Variants in INPP5D observed in about 807,000 individuals in gnomAD.
INPP5D encodes inositol polyphosphate-5-phosphatase D.
Under a neutral mutation model 122.9 loss-of-function variants are expected in INPP5D, and 33 were observed. The ratio of observed to expected loss-of-function variants is 0.27; its 90% CI spans 0.20 to 0.36. The LOEUF is 0.36. INPP5D is among the 10% of genes least tolerant of loss of function. The pLI is 1.00. For synonymous variants in INPP5D, 584 were observed against 576.2 expected (o/e 1.01, Z -0.19); for missense variants, 1,053 against 1,412.7 (o/e 0.75, Z 4.08).
At chr2:233,155,793 GA>G (rs1383790082) in intron 9 of INPP5D, among the ~76,000 whole-genome samples, 9 of 152,170 alleles carry the variant, frequency 5.9e-5, no homozygotes, top group African/African-American at 2.2e-4. Context: ...CCTCCATGTT[GA>G]AAATGGCCAA....
Position 233,204,956 on chromosome 2 carries a change from T to C in INPP5D, c.3567+239T>C, listed in dbSNP as rs928970695. The C allele has an allele frequency of 5.3e-6, 3 of 564,300 alleles. No individual in the cohort carries two copies. In the African/African-American group the frequency reaches 5.9e-5, roughly 11 times the overall value. The allele number at this position is 564,300 out of a possible 1,614,324, so 35.0% of individuals were successfully genotyped here. ...TGTCCCACACATCCCTGACCCTGCA[T>C]TGCCTCTGCAGCAGTTGTTAAAAGG... On this transcript the variant is annotated intron_variant, in intron 26 of 26. Coordinates refer to ENST00000445964, the MANE Select transcript of INPP5D (RefSeq NM_001017915.3).
At position 233,177,374 on chromosome 2, in the gene INPP5D, A is replaced by C. The variant is rs767184148; in HGVS notation, c.2071+28A>C. 130 of 1,613,448 alleles carry C rather than the reference A, an allele frequency of 8.1e-5. 1 individual carries two copies. The highest frequency in any genetic ancestry group is 2.3e-4 in the Admixed American group (14 of 59,990). ...GAGTTCAAACACTGGGGAAAGCAGA[A>C]CAGGATCAGAGAATGGCACCAAGCT... On this transcript the variant is annotated intron_variant, in intron 18 of 26. Coordinates refer to ENST00000445964, the MANE Select transcript of INPP5D (RefSeq NM_001017915.3). The surrounding 1 kb of genome is among the most constrained non-coding windows in gnomAD (Gnocchi z 4.2).
chr2:233,198,460 C>T, intron 25 of INPP5D, 84 bp downstream of exon 25: 1 of 1,492,698 alleles, frequency 6.7e-7, no homozygotes, highest in Admixed American at 2.4e-5. Context: ...GAATGGAAGC[C>T]TCATAAGGGC....
intron 2 of INPP5D, among the ~76,000 whole-genome samples, chr2:233,096,620 C>G (rs1466566341): frequency 2.0e-5 from 3 of 152,216 alleles, no homozygotes; most frequent in African/African-American, 7.2e-5. Context: ...CCACTGCACT[C>G]CAGCCTGGGT....
In INPP5D at chr2:233,082,285, C is replaced by T. The variant is rs75008620; in HGVS notation, c.198+2887C>T. On this transcript the variant is annotated intron_variant, in intron 2 of 26. Coordinates refer to ENST00000445964, the MANE Select transcript of INPP5D (RefSeq NM_001017915.3). This position sits in a 1 kb window ranked among gnomAD's most constrained non-coding sequence, Gnocchi z 4.7. ...ACGTCCACTGAGGACCAAGTGCACA[C>T]TCATGCCCAATTAAGCAGACTCAGA... is the stretch of plus-strand genomic sequence containing the variant. 0.01 allele frequency among the ~76,000 whole-genome samples: 1,585 copies of T among 152,316 alleles called. 16 individuals are homozygous for T. Among genetic ancestry groups the T allele is most frequent in the Non-Finnish European group, 0.017 (1,179 of 68,034 alleles).
At chr2:233,174,031 T>C (rs772284553) in intron 17 of INPP5D, among the ~76,000 whole-genome samples, 44 of 152,212 alleles carry the variant, frequency 2.9e-4, no homozygotes, top group Non-Finnish European at 4.7e-4. Flanking sequence ...TCTCATCCCA[T>C]GGAAGGTCCT....
chr2:233,173,989 G>T (rs1264621823), intron 17 of INPP5D, among the ~76,000 whole-genome samples: 1 of 152,022 alleles, frequency 6.6e-6, no homozygotes, highest in Non-Finnish European at 1.5e-5. Flanking sequence ...ACAGGCTCAG[G>T]ATGGTCAATG....
intron 2 of INPP5D, among the ~76,000 whole-genome samples, chr2:233,108,158 C>T (rs930810969): frequency 6.6e-6 from 1 of 152,168 alleles, no homozygotes; most frequent in Non-Finnish European, 1.5e-5. Flanking sequence ...GAGTGGCTTG[C>T]GTCTGCCACA....
chr2:233,164,151 C>A lies in INPP5D; in HGVS notation c.1438-156C>A. The A allele has an allele frequency of 1.4e-6, 2 of 1,406,634 alleles. No individual in the cohort carries two copies. Among genetic ancestry groups the A allele is most frequent in the Non-Finnish European group, 1.9e-6 (2 of 1,071,900 alleles). The allele number at this position is 1,406,634 out of a possible 1,614,324, so 87.1% of individuals were successfully genotyped here. On this transcript the variant is annotated intron_variant, in intron 12 of 26. Transcript: ENST00000445964. This position sits in a 1 kb window ranked among gnomAD's most constrained non-coding sequence, Gnocchi z 4.3. Reference sequence around the variant, plus strand: ...TTCTCATCTTTAGGATGTTTTGTCTCGCCTATCAAGCATCGCTGGGAGTCC... The same window carrying A: ...TTCTCATCTTTAGGATGTTTTGTCTAGCCTATCAAGCATCGCTGGGAGTCC...
intron 2 of INPP5D, among the ~76,000 whole-genome samples, chr2:233,104,006 CTT>C (rs5839471): frequency 1.5e-3 from 122 of 81,802 alleles, no homozygotes; most frequent in African/African-American, 7.2e-3. Flanking sequence ...TGTGCCCTGC[CTT>C]TTTTTTTTTT....
At position 233,165,378 on chromosome 2, in the gene INPP5D, ATGTG is replaced by A. The variant is rs545171815; in HGVS notation, c.1555+958_1555+961del. Among the ~76,000 whole-genome samples the A allele has an allele frequency of 4.1e-3, 618 of 150,762 alleles. 2 individuals are homozygous for A. The highest frequency in any genetic ancestry group is 0.014 in the African/African-American group (587 of 40,858). On this transcript the variant is annotated intron_variant, in intron 13 of 26. Transcript: ENST00000445964. ...AGTGTCTGTATGTGTGAGTCCATGC[ATGTG>A]TGTTTGTGTGTGTTTATGTGAGTCT...
intron 2 of INPP5D, among the ~76,000 whole-genome samples, chr2:233,104,873 T>C (rs558371803): frequency 7.9e-5 from 12 of 151,858 alleles, no homozygotes; most frequent in African/African-American, 2.4e-4. Flanking sequence ...GAGAAACCAG[T>C]AAGGGAGTGG....
At chr2:233,181,598 C>T (rs1295983940) in intron 18 of INPP5D, among the ~76,000 whole-genome samples, 1 of 152,222 alleles carries the variant, frequency 6.6e-6, no homozygotes, top group Non-Finnish European at 1.5e-5. Flanking sequence ...TGTCCTCTTT[C>T]TCTTGCCCCT....
chr2:233,146,049 T>A (rs1377874563), intron 6 of INPP5D, 113 bp from the exon 7 acceptor site: 1 of 703,262 alleles, frequency 1.4e-6, no homozygotes, highest in Admixed American at 2.0e-5. Context: ...ATAGAACTTG[T>A]GGGGCTGCGG....
intron 2 of INPP5D, among the ~76,000 whole-genome samples, chr2:233,115,081 G>A (rs1692749113): frequency 6.6e-6 from 1 of 152,120 alleles, no homozygotes; most frequent in South Asian, 2.1e-4. Flanking sequence ...TGGCCAGGCT[G>A]GTTTCGAGCT....
At chr2:233,178,516 TCA>T (rs1694703177) in intron 18 of INPP5D, among the ~76,000 whole-genome samples, 1 of 150,718 alleles carries the variant, frequency 6.6e-6, no homozygotes, top group African/African-American at 2.5e-5. Context: ...GGAGTCTCTC[TCA>T]GTCGCCCAGG....
chr2:233,190,691 C>T (rs535614823), intron 22 of INPP5D, among the ~76,000 whole-genome samples: 1 of 152,292 alleles, frequency 6.6e-6, no homozygotes, highest in South Asian at 2.1e-4. Context: ...GTGGCTCCAG[C>T]CCAAAGTCAG....
rs140596878 is a variant in INPP5D at position 233,151,530 on chromosome 2, A to C, written c.1030+3936A>C. Among the ~76,000 whole-genome samples the C allele has an allele frequency of 3.3e-5, 5 of 152,172 alleles. No homozygotes were observed. In the East Asian group the frequency reaches 9.7e-4, roughly 29 times the overall value. Reference sequence around the variant, plus strand: ...GACTCCTCACAAATTCCCTCCCCCTAAAAAGGGCAAGGTCTTTCCTTTACA... The same window carrying C: ...GACTCCTCACAAATTCCCTCCCCCTCAAAAGGGCAAGGTCTTTCCTTTACA... On this transcript the variant is annotated intron_variant, in intron 9 of 26. Coordinates refer to ENST00000445964, the MANE Select transcript of INPP5D (RefSeq NM_001017915.3).
At chr2:233,117,757 T>C (rs1028523540) in intron 2 of INPP5D, among the ~76,000 whole-genome samples, 1 of 152,204 alleles carries the variant, frequency 6.6e-6, no homozygotes, top group East Asian at 1.9e-4. Context: ...CATGACACCT[T>C]GTTCACATTT....
Sources: allele counts gnomAD v4.1 joint callset (sites outside exome capture counted in the v4.1 genomes callset), GRCh38; gene constraint gnomAD v4.1.1; non-coding constraint Gnocchi (gnomAD v3.1); transcripts MANE v1.5; gene names NCBI Gene and HGNC (gene_info 2026-07-23, HGNC 2026-07-21).